Variants in MFSD11 observed in about 807,000 individuals in gnomAD.
MFSD11 encodes the protein major facilitator superfamily domain containing 11, also known as UNC93-like protein MFSD11.
Under a neutral mutation model 53.5 loss-of-function variants are expected in MFSD11, and 36 were observed. The observed-to-expected ratio is 0.67, with a 90% CI of 0.52 to 0.89. The LOEUF (loss-of-function observed/expected upper bound fraction) is 0.89, where lower values mean the gene tolerates loss of function less well. MFSD11 is among the 40% of genes least tolerant of loss of function. The pLI is 0.00. For synonymous variants in MFSD11, 186 were observed against 184.9 expected (o/e 1.01, Z -0.05); for missense variants, 530 against 543.9 (o/e 0.97, Z 0.25).
intron 12 of MFSD11, among the ~76,000 whole-genome samples, chr17:76,777,750 A>G (rs2081978240): frequency 6.6e-6 from 1 of 152,162 alleles, no homozygotes; most frequent in Admixed American, 6.6e-5. Flanking sequence ...TTCCTTAGAT[A>G]CCAGAATTCT....
At chr17:76,782,252 T>A (rs1317344155), downstream of MFSD11, among the ~76,000 whole-genome samples, 2 of 152,150 alleles carry the variant, frequency 1.3e-5, no homozygotes, top group Non-Finnish European at 2.9e-5. Flanking sequence ...CTCGGCTCAC[T>A]GCAACCTCTG....
At chr17:76,739,017 T>C (rs199553024) in intron 2 of MFSD11, 24 bp downstream of exon 2, 1 of 1,597,976 alleles carries the variant, frequency 6.3e-7, no homozygotes, top group Non-Finnish European at 8.6e-7. Context: ...TGATTGATTT[T>C]GCTTTATATT....
At chr17:76,768,369 G>A (rs979367365) in intron 9 of MFSD11, among the ~76,000 whole-genome samples, 5 of 150,694 alleles carry the variant, frequency 3.3e-5, no homozygotes, top group African/African-American at 1.2e-4. Flanking sequence ...TGGTATGATA[G>A]CAGGCGGGGT....
chr17:76,801,364 CAAAAAA>C, the MFSD11 span, among the ~76,000 whole-genome samples: 1 of 72,240 alleles, frequency 1.4e-5, no homozygotes, highest in Non-Finnish European at 2.4e-5. Flanking sequence ...GGCTCTGTCT[CAAAAAA>C]AAAAAAAAAA....
the MFSD11 span, among the ~76,000 whole-genome samples, chr17:76,793,431 G>A: frequency 5.4e-4 from 82 of 151,630 alleles, 4 homozygotes; most frequent in African/African-American, 2.0e-3. Flanking sequence ...CTCACCAGCG[G>A]TCAGAGTTTA....
At chr17:76,754,288 GC>G (rs982368301) in intron 8 of MFSD11, 9 of 526,132 alleles carry the variant, frequency 1.7e-5, no homozygotes, top group African/African-American at 1.5e-4. Flanking sequence ...TGGTATGACT[GC>G]CCACCTGCCC....
intron 8 of MFSD11, among the ~76,000 whole-genome samples, chr17:76,757,308 G>C (rs992332061): frequency 1.8e-4 from 27 of 152,198 alleles, no homozygotes; most frequent in Non-Finnish European, 1.6e-4. Flanking sequence ...AGGATATTGG[G>C]CTGTCAGGTT....
chr17:76,737,899 G>C (rs237056), upstream of MFSD11: 160,671 of 176,110 alleles, frequency 0.91, 75,039 homozygotes, highest in Non-Finnish European at 1. Context: ...GACTCCCCGC[G>C]GAGCGCTTGC....
At position 76,776,601 on chromosome 17, in the gene MFSD11, T is replaced by C; in HGVS notation, c.1185+60T>C. The stretch of plus-strand genomic sequence containing the variant: ...GGGCTCTTCCCTTTGTGTATTGCCT[T>C]GTTTTCCTTGGTTACTTGTATTGTG... On this transcript the variant is annotated intron_variant, in intron 12 of 12. Transcript: ENST00000685175. This position sits in a 1 kb window ranked among gnomAD's most constrained non-coding sequence, Gnocchi z 4.2. 2.0e-6 allele frequency: 3 copies of C among 1,479,278 alleles called. No homozygotes were observed. Among genetic ancestry groups the C allele is most frequent in the South Asian group, 1.3e-5 (1 of 74,936 alleles). The allele number at this position is 1,479,278 out of a possible 1,614,324, so 91.6% of individuals were successfully genotyped here. A position where few individuals can be genotyped will look rare whatever the true frequency, so the allele number is the denominator to read the frequency against.
intron 7 of MFSD11, among the ~76,000 whole-genome samples, chr17:76,749,087 A>G (rs1247373767): frequency 2.6e-5 from 4 of 152,230 alleles, no homozygotes; most frequent in Admixed American, 6.5e-5. Context: ...CTCATATACT[A>G]TATAATTCAC....
chr17:76,774,918 G>T, intron 10 of MFSD11, 79 bp from the exon 11 acceptor site: 1 of 1,402,586 alleles, frequency 7.1e-7, no homozygotes, highest in South Asian at 1.4e-5. Context: ...TTTATTCCTT[G>T]GCTCCTTGGT....
the MFSD11 span, among the ~76,000 whole-genome samples, chr17:76,795,663 A>G: frequency 1.3e-5 from 2 of 151,968 alleles, no homozygotes; most frequent in Non-Finnish European, 2.9e-5. Flanking sequence ...GGGATGTTGT[A>G]ATTTTGATTA....
chr17:76,775,492 G>A (rs2081741384), intron 11 of MFSD11, among the ~76,000 whole-genome samples: 1 of 152,194 alleles, frequency 6.6e-6, no homozygotes, highest in Admixed American at 6.5e-5. Context: ...CCTGGAGGAA[G>A]AACAAAGAGG....
Position 76,778,611 on chromosome 17 carries a change from T to C in MFSD11, c.*259T>C. ...TTGTTTTTCATTTCATCTATCTCAATTCTTATAATCATGTTATAGAATGTA... is the reference window on the plus strand; with the variant it reads ...TTGTTTTTCATTTCATCTATCTCAACTCTTATAATCATGTTATAGAATGTA... On this transcript the variant is annotated 3_prime_UTR_variant, in exon 13 of 13. Coordinates refer to ENST00000685175, the MANE Select transcript of MFSD11 (RefSeq NM_001242532.5). 2.4e-6 allele frequency: 1 copy of C among 410,288 alleles called. No homozygotes were observed. Among genetic ancestry groups the C allele is most frequent in the Non-Finnish European group, 4.4e-6 (1 of 229,812 alleles). The allele number at this position is 410,288 out of a possible 1,614,324, so 25.4% of individuals were successfully genotyped here. A position where few individuals can be genotyped will look rare whatever the true frequency, so the allele number is the denominator to read the frequency against.
At chr17:76,768,985 C>CA (rs769093548) in intron 9 of MFSD11, among the ~76,000 whole-genome samples, 1,714 of 82,912 alleles carry the variant, frequency 0.021, 25 homozygotes, top group African/African-American at 0.046. Context: ...GACTCTCTCT[C>CA]AAAAAAAAAA....
At chr17:76,754,614 G>T (rs928924415) in intron 8 of MFSD11, among the ~76,000 whole-genome samples, 4 of 151,276 alleles carry the variant, frequency 2.6e-5, no homozygotes, top group East Asian at 3.9e-4. Context: ...AACCTGGGAG[G>T]TGGAGGTTGT....
chr17:76,792,837 G>A, the MFSD11 span, among the ~76,000 whole-genome samples: 2 of 151,372 alleles, frequency 1.3e-5, no homozygotes, highest in East Asian at 1.9e-4. Flanking sequence ...CTAAGCATCC[G>A]CCGGGTTGAG....
chr17:76,778,308 G>C lies in MFSD11; in HGVS notation c.1306G>C (p.Ala436Pro). 1.9e-6 allele frequency: 3 copies of C among 1,614,210 alleles called. No homozygotes were observed. The highest frequency in any genetic ancestry group is 2.5e-6 in the Non-Finnish European group (3 of 1,180,050). ...TISFFTVEWE[A>P]AAFVARGSDY... ...TTCTTTCTTCACTGTGGAATGGGAA[G>C]CTGCCGCCTTTGTAGCCCGCGGCTC... Residue 436 changes from alanine to proline, a missense_variant, in exon 13 of 13, where the codon GCT becomes CCT. Ala to Pro is a conservative substitution (Grantham distance 27, BLOSUM62 -1). Transcript: ENST00000685175.
the MFSD11 span, among the ~76,000 whole-genome samples, chr17:76,803,192 A>G: frequency 6.6e-6 from 1 of 151,950 alleles, no homozygotes; most frequent in Non-Finnish European, 1.5e-5. Flanking sequence ...AACAAAAAAA[A>G]ACCCAAAGCA....
Sources: gnomAD v4.1 joint callset for allele counts (sites outside exome capture counted in the v4.1 genomes callset) on GRCh38, gnomAD v4.1.1 for gene constraint, Gnocchi (gnomAD v3.1) non-coding constraint, MANE v1.5 for transcripts, NCBI Gene and HGNC (gene_info 2026-07-23, HGNC 2026-07-21) for gene names.